Variants in WDR88 observed in about 807,000 individuals in gnomAD.
The protein encoded by WDR88 is WD repeat domain 88.
In WDR88, 40 loss-of-function variants were observed where a neutral mutation model predicts 46.8. The observed-to-expected ratio is 0.86, with a 90% CI of 0.66 to 1.11. The LOEUF (loss-of-function observed/expected upper bound fraction) is 1.11. WDR88 is among the 50% of genes most tolerant of loss of function. The pLI, the probability that WDR88 is intolerant of heterozygous loss-of-function variation, is 0.00. For synonymous variants in WDR88, 235 were observed against 240.7 expected (o/e 0.98, Z 0.22); for missense variants, 562 against 602.4 (o/e 0.93, Z 0.70).
chr19:33,133,244 G>A (rs996794788), intron 1 of WDR88, among the ~76,000 whole-genome samples: 3 of 117,450 alleles, frequency 2.6e-5, no homozygotes, highest in Non-Finnish European at 5.3e-5. Context: ...AAGAAAGAAA[G>A]AAGGAGAAAG....
intron 10 of WDR88, 48 bp from the exon 11 acceptor site, chr19:33,175,348 C>T (rs746400710): frequency 6.3e-7 from 1 of 1,593,222 alleles, no homozygotes; most frequent in Non-Finnish European, 8.6e-7. Flanking sequence ...GCCTGGATCA[C>T]CTCTGACCAG....
At chr19:33,148,447 G>A (rs111917654) in intron 4 of WDR88, among the ~76,000 whole-genome samples, 56 of 152,226 alleles carry the variant, frequency 3.7e-4, no homozygotes, top group African/African-American at 1.2e-3. Flanking sequence ...CGATGATGAT[G>A]ATTTTTAGAG....
At position 33,175,526 on chromosome 19, in the gene WDR88, C is replaced by A. The variant is rs777412006; in HGVS notation, c.1373C>A (p.Ser458Ter). Reference protein sequence around the residue: ...PADTSSSSSSSERENSPPPRG... With the variant: ...PADTSSSSSS ...GATACTTCATCGTCATCATCATCAT[C>A]GGAAAGGGAGAACTCACCGCCGCCA... is the stretch of plus-strand genomic sequence containing the variant. The change falls in exon 11 of 11, where the codon TCG becomes TAG. Residue 458 changes from serine (S) to a stop codon, truncating the protein, a stop_gained. Coordinates refer to ENST00000355868, the MANE Select transcript of WDR88 (RefSeq NM_173479.4). LOFTEE classifies it low-confidence loss of function (END_TRUNC). 3 of 1,614,168 alleles carry A rather than the reference C, an allele frequency of 1.9e-6. No individual in the cohort carries two copies. In the South Asian group the frequency reaches 3.3e-5, roughly 18 times the overall value.
intron 6 of WDR88, among the ~76,000 whole-genome samples, chr19:33,152,026 G>A (rs1244420851): frequency 6.6e-6 from 1 of 152,086 alleles, no homozygotes; most frequent in Non-Finnish European, 1.5e-5. Flanking sequence ...GAGGTCAGGA[G>A]TTCGAGACCA....
chr19:33,141,241 C>CTTT (rs1973389122), intron 2 of WDR88, among the ~76,000 whole-genome samples: 1 of 131,014 alleles, frequency 7.6e-6, no homozygotes, highest in African/African-American at 3.2e-5. Context: ...TTTTTTTTTT[C>CTTT]TTTTTTGACA....
chr19:33,172,263 C>G (rs1974050254), intron 9 of WDR88, 85 bp from the exon 10 acceptor site: 5 of 1,162,142 alleles, frequency 4.3e-6, no homozygotes, highest in Non-Finnish European at 6.3e-6. Flanking sequence ...CTTGACAGCC[C>G]ATGTCTTTTG....
chr19:33,138,612 G>A (rs890431039), intron 2 of WDR88, among the ~76,000 whole-genome samples: 1 of 151,364 alleles, frequency 6.6e-6, no homozygotes, highest in Admixed American at 6.6e-5. Flanking sequence ...CTACCAAAGT[G>A]CAGGGATGAT....
intron 9 of WDR88, among the ~76,000 whole-genome samples, chr19:33,168,021 A>G (rs1049656677): frequency 3.1e-4 from 36 of 117,610 alleles, no homozygotes; most frequent in Admixed American, 2.2e-3. Flanking sequence ...CCCAGCCAAA[A>G]TGATTTCTTT....
chr19:33,169,435 G>A (rs1391896747), intron 9 of WDR88, among the ~76,000 whole-genome samples: 5 of 152,020 alleles, frequency 3.3e-5, no homozygotes, highest in African/African-American at 9.7e-5. Flanking sequence ...CAAAAGACTC[G>A]AATAGGCATT....
chr19:33,165,738 C>G (rs1220898266), intron 9 of WDR88, among the ~76,000 whole-genome samples: 2 of 151,378 alleles, frequency 1.3e-5, no homozygotes, highest in Non-Finnish European at 1.5e-5. Context: ...ACTAAAAATA[C>G]AAAACTTAGC....
At chr19:33,149,446 G>A (rs970557059) in intron 5 of WDR88, among the ~76,000 whole-genome samples, 2 of 152,076 alleles carry the variant, frequency 1.3e-5, no homozygotes, top group African/African-American at 2.4e-5. Flanking sequence ...CACAATGTTC[G>A]GCTCCAACCT....
At chr19:33,174,264 C>T (rs1386397093) in intron 10 of WDR88, 3 of 1,535,406 alleles carry the variant, frequency 2.0e-6, no homozygotes, top group South Asian at 2.4e-5. Context: ...ACATGAGAAG[C>T]CTGAGGCCAG....
At chr19:33,146,756 G>T (rs1179622110) in intron 3 of WDR88, among the ~76,000 whole-genome samples, 1 of 152,092 alleles carries the variant, frequency 6.6e-6, no homozygotes, top group Admixed American at 6.6e-5. Context: ...GACCTCAGGT[G>T]TTCTGCCCGC....
In WDR88 at chr19:33,160,506, G is replaced by C; in HGVS notation, c.1080+10G>C. On this transcript the variant is annotated intron_variant, in intron 8 of 10. Transcript: ENST00000355868. Reference sequence around the variant, plus strand: ...GAAGCTCTCTTTGAAGGTACATGTGGCCAGCATGAGATTGAGGATCTGAAC... The same window carrying C: ...GAAGCTCTCTTTGAAGGTACATGTGCCCAGCATGAGATTGAGGATCTGAAC... The C allele has an allele frequency of 6.2e-7, 1 of 1,614,020 alleles. No individual in the cohort carries two copies. Among genetic ancestry groups the C allele is most frequent in the South Asian group, 1.1e-5 (1 of 91,078 alleles).
Position 33,175,476 on chromosome 19 carries a change from G to C in WDR88, c.1323G>C (p.Arg441=). 1 of 1,614,186 alleles carries C rather than the reference G, an allele frequency of 6.2e-7. No homozygotes were observed. Among genetic ancestry groups the C allele is most frequent in the Non-Finnish European group, 8.5e-7 (1 of 1,180,040 alleles). ...SEMFTQCVFC[R]IDTRGLPADT... ...TGTTCACCCAATGCGTGTTCTGCCG[G>C]ATAGATACAAGGGGCTTGCCAGCAG... Residue 441 remains arginine, a synonymous_variant, in exon 11 of 11, where the codon CGG becomes CGC. Coordinates refer to ENST00000355868, the MANE Select transcript of WDR88 (RefSeq NM_173479.4).
chr19:33,175,613 T>C lies in WDR88; in HGVS notation c.*41T>C. ...TTGAGTGACTCCAGCACAGGCTACC[T>C]AGCATGTAGGTTTCGGGGCTTTGCA... On this transcript the variant is annotated 3_prime_UTR_variant, in exon 11 of 11. Transcript: ENST00000355868. 6.2e-7 allele frequency: 1 copy of C among 1,610,874 alleles called. No individual in the cohort carries two copies.
Position 33,162,717 on chromosome 19 carries a change from G to A in WDR88, c.1081-1480G>A, listed in dbSNP as rs143880972. ...TCTCCCCCAATCTTGCTAAACACCC[G>A]AGTACTATTTTAAAAAACCATACAC... On this transcript the variant is annotated intron_variant, in intron 8 of 10. Coordinates refer to ENST00000355868, the MANE Select transcript of WDR88 (RefSeq NM_173479.4). 6.3e-4 allele frequency among the ~76,000 whole-genome samples: 96 copies of A among 151,932 alleles called. 4 individuals carry two copies. The highest frequency in any genetic ancestry group is 1.2e-4 in the Non-Finnish European group (8 of 68,004).
At chr19:33,155,297 T>C (rs1290712746) in intron 6 of WDR88, among the ~76,000 whole-genome samples, 1 of 152,092 alleles carries the variant, frequency 6.6e-6, no homozygotes, top group African/African-American at 2.4e-5. Flanking sequence ...TGTGCCACCA[T>C]GCCCAGCTAA....
At chr19:33,161,109 G>A (rs1033948627) in intron 8 of WDR88, among the ~76,000 whole-genome samples, 1 of 152,070 alleles carries the variant, frequency 6.6e-6, no homozygotes, top group African/African-American at 2.4e-5. Flanking sequence ...GGAGGCGGAG[G>A]TTGCACTGGG....
Sources: allele counts gnomAD v4.1 joint callset (sites outside exome capture counted in the v4.1 genomes callset), GRCh38; gene constraint gnomAD v4.1.1; transcripts MANE v1.5; gene names NCBI Gene and HGNC (gene_info 2026-07-23, HGNC 2026-07-21).